The following RASSF3 variants were observed in gnomAD, a reference collection of about 807,000 sequenced individuals.
The protein encoded by RASSF3 is Ras association domain family member 3, also known as ras association domain-containing protein 3.
A neutral mutation model predicts 19.9 loss-of-function variants in RASSF3; 19 were observed. The observed-to-expected ratio is 0.96, with a 90% CI of 0.67 to 1.40. The LOEUF (loss-of-function observed/expected upper bound fraction) is 1.40, where lower values mean the gene tolerates loss of function less well. RASSF3 is among the 40% of genes most tolerant of loss of function. The pLI is 0.00. For synonymous variants in RASSF3, 110 were observed against 104.2 expected (o/e 1.06, Z -0.34); for missense variants, 306 against 289.8 (o/e 1.06, Z -0.41).
chr12:64,550,698 C>A (rs749350284), intron 2 of RASSF3, among the ~76,000 whole-genome samples: 2 of 151,276 alleles, frequency 1.3e-5, no homozygotes, highest in Non-Finnish European at 2.9e-5. Context: ...GTGGTGGGTG[C>A]CTGTAACCCC....
chr12:64,690,583 C>T (rs1024174335), intron 3 of RASSF3, among the ~76,000 whole-genome samples: 2 of 152,094 alleles, frequency 1.3e-5, no homozygotes, highest in African/African-American at 4.8e-5. Context: ...TCAAGTGATG[C>T]TCTTGCCTCA....
chr12:64,609,275 G>A (rs1486965283), upstream of RASSF3: 1 of 152,230 alleles, frequency 6.6e-6, no homozygotes, highest in Non-Finnish European at 1.5e-5. Flanking sequence ...GCCTCCTACA[G>A]CCACTTTCCT....
intron 1 of RASSF3, among the ~76,000 whole-genome samples, chr12:64,621,092 C>A (rs11175470): frequency 6.6e-6 from 1 of 151,612 alleles, no homozygotes; most frequent in Admixed American, 6.6e-5. Flanking sequence ...CCTGCCACTA[C>A]GCCCTGCTAA....
upstream of RASSF3, among the ~76,000 whole-genome samples, chr12:64,607,004 C>A (rs1870204746): frequency 6.6e-6 from 1 of 152,054 alleles, no homozygotes; most frequent in South Asian, 2.1e-4. Flanking sequence ...CCAGGCTAGG[C>A]ATGGTGGCTC....
intron 2 of RASSF3, among the ~76,000 whole-genome samples, chr12:64,580,108 C>T (rs749291003): frequency 1.1e-4 from 17 of 152,216 alleles, no homozygotes; most frequent in African/African-American, 2.4e-4. Context: ...AGCCACTGCG[C>T]GCAGCCTTTT....
At chr12:64,542,633 T>C (rs1187908454), downstream of RASSF3, among the ~76,000 whole-genome samples, 1 of 152,218 alleles carries the variant, frequency 6.6e-6, no homozygotes, top group Non-Finnish European at 1.5e-5. Context: ...CTCATGCCTG[T>C]AATCCCAACA....
chr12:64,507,930 G>C (rs1031859796), intron 1 of RASSF3, among the ~76,000 whole-genome samples: 5 of 152,158 alleles, frequency 3.3e-5, no homozygotes, highest in African/African-American at 9.7e-5. Flanking sequence ...GTTAAAGGGA[G>C]TAGATGACCC....
chr12:64,507,192 T>C, exon 1 of RASSF3: 1 of 398,644 alleles, frequency 2.5e-6, no homozygotes, highest in Admixed American at 4.4e-5. Flanking sequence ...TCTGGAACAC[T>C]CCTGGTTCTC....
At chr12:64,578,322 G>A (rs575320097) in intron 2 of RASSF3, among the ~76,000 whole-genome samples, 33 of 152,096 alleles carry the variant, frequency 2.2e-4, no homozygotes, top group African/African-American at 7.2e-4. Context: ...TAATTCCAAC[G>A]ACATCCCCAG....
intron 1 of RASSF3, among the ~76,000 whole-genome samples, chr12:64,537,104 C>T (rs1868844007): frequency 6.6e-6 from 1 of 152,160 alleles, no homozygotes; most frequent in Admixed American, 6.6e-5. Context: ...GACTTCCTTA[C>T]CCCACACTCT....
chr12:64,618,541 C>A (rs1459473650), intron 1 of RASSF3, among the ~76,000 whole-genome samples: 1 of 152,104 alleles, frequency 6.6e-6, no homozygotes, highest in East Asian at 1.9e-4. Context: ...GTTGGCCAGA[C>A]TGGTCTCAAA....
At position 64,641,414 on chromosome 12, in the gene RASSF3, A is replaced by ACACACACACACGCGCGCGCGCGCGCGCG; in HGVS notation, c.111+30672_111+30673insACACACACACGCGCGCGCGCGCGCGCGC. On this transcript the variant is annotated intron_variant, in intron 1 of 4. Coordinates refer to ENST00000542104, the MANE Select transcript of RASSF3 (RefSeq NM_178169.4). ...CTGTCTCACAGGCGCACACACACAC[A>ACACACACACACGCGCGCGCGCGCGCGCG]CGCGCGCGCGCGCGTTGAAAACAAA... Among the ~76,000 whole-genome samples, 12 of 142,100 alleles carry ACACACACACACGCGCGCGCGCGCGCGCG rather than the reference A, an allele frequency of 8.4e-5. 1 individual carries two copies. Among genetic ancestry groups the ACACACACACACGCGCGCGCGCGCGCGCG allele is most frequent in the African/African-American group, 3.4e-4 (12 of 35,654 alleles). 93.2% of individuals were successfully genotyped at this position (142,100 alleles called of 152,430 possible).
intron 1 of RASSF3, among the ~76,000 whole-genome samples, chr12:64,664,937 A>G (rs1872497896): frequency 6.6e-6 from 1 of 152,222 alleles, no homozygotes; most frequent in Admixed American, 6.5e-5. Context: ...TAATTATTTC[A>G]GTTCTCTATA....
chr12:64,540,292 G>T lies in RASSF3; in HGVS notation c.68-1289G>T, dbSNP rs34927483. Reference sequence around the variant, plus strand: ...GACTCTTGATGAGAGAAATCTATTTGCTGGTGAATAAAATTGTGGCAGCTC... The same window carrying T: ...GACTCTTGATGAGAGAAATCTATTTTCTGGTGAATAAAATTGTGGCAGCTC... On this transcript the variant is annotated intron_variant, in intron 1 of 1. Coordinates refer to the RASSF3 transcript ENST00000636333. Among the ~76,000 whole-genome samples, 1,320 of 152,262 alleles carry T rather than the reference G, an allele frequency of 8.7e-3. 10 individuals carry two copies. The highest frequency in any genetic ancestry group is 0.017 in the Middle Eastern group (5 of 294).
At chr12:64,567,942 T>C (rs993719155) in intron 2 of RASSF3, among the ~76,000 whole-genome samples, 3 of 152,102 alleles carry the variant, frequency 2.0e-5, no homozygotes, top group African/African-American at 7.2e-5. Flanking sequence ...TAGAAGAGAG[T>C]GTTTACATAG....
intron 1 of RASSF3, among the ~76,000 whole-genome samples, chr12:64,638,872 T>C (rs1237029143): frequency 2.0e-5 from 3 of 152,202 alleles, no homozygotes; most frequent in African/African-American, 7.2e-5. Flanking sequence ...GAACACGCCA[T>C]AGTGTGCCCA....
chr12:64,641,400 G>GCACACACACACACA (rs530475322), intron 1 of RASSF3, among the ~76,000 whole-genome samples: 71 of 106,898 alleles, frequency 6.6e-4, no homozygotes, highest in African/African-American at 1.9e-3. Context: ...TGTCTCACAG[G>GCACACACACACACA]CGCACACACA....
intron 1 of RASSF3, among the ~76,000 whole-genome samples, chr12:64,624,176 G>T (rs1870901417): frequency 6.6e-6 from 1 of 151,858 alleles, no homozygotes; most frequent in Admixed American, 6.6e-5. Flanking sequence ...ACCTAGCACC[G>T]ATATCAACAA....
At chr12:64,560,465 C>CA (rs943967064) in intron 2 of RASSF3, among the ~76,000 whole-genome samples, 6 of 152,218 alleles carry the variant, frequency 3.9e-5, no homozygotes, top group African/African-American at 1.4e-4. Context: ...CATTCCCCCA[C>CA]AACCATAGCT....
Sources: allele counts gnomAD v4.1 joint callset (sites outside exome capture counted in the v4.1 genomes callset), GRCh38; gene constraint gnomAD v4.1.1; transcripts MANE v1.5; gene names NCBI Gene and HGNC (gene_info 2026-07-23, HGNC 2026-07-21).